DDX10: variants seen among roughly 807,000 people sequenced by gnomAD.
DDX10 encodes probable ATP-dependent RNA helicase DDX10.
A neutral mutation model predicts 104.3 loss-of-function variants in DDX10; 74 were observed. The observed-to-expected ratio is 0.71, with a 90% CI of 0.59 to 0.86. DDX10 has a LOEUF of 0.86. Ranked by LOEUF, DDX10 falls within the 40% of genes least tolerant of loss-of-function variation. DDX10 has a pLI of 0.00. For missense variants in DDX10, 952 were observed against 1,040.0 expected, an observed-to-expected ratio of 0.92 and a Z score of 1.16; for synonymous variants, 351 against 353.4, an observed-to-expected ratio of 0.99 and a Z score of 0.08.
At chr11:108,846,389 A>G (rs1233248467) in intron 15 of DDX10, among the ~76,000 whole-genome samples, 3 of 152,200 alleles carry the variant, frequency 2.0e-5, no homozygotes, top group South Asian at 4.1e-4. Context: ...GAAACTTTAT[A>G]CACTATAACC....
chr11:108,837,025 C>T (rs1014028984), intron 13 of DDX10, among the ~76,000 whole-genome samples: 1 of 152,118 alleles, frequency 6.6e-6, no homozygotes, highest in Non-Finnish European at 1.5e-5. Context: ...AGACTGCAGT[C>T]GGGTATTTTG....
At chr11:108,828,546 T>A (rs576908433) in intron 13 of DDX10, among the ~76,000 whole-genome samples, 2 of 152,290 alleles carry the variant, frequency 1.3e-5, no homozygotes, top group South Asian at 4.1e-4. Flanking sequence ...TTTTTGTTTG[T>A]TTTTTGTTTT....
chr11:108,817,386 TC>T (rs1297326855), intron 13 of DDX10, among the ~76,000 whole-genome samples: 3 of 152,224 alleles, frequency 2.0e-5, no homozygotes, highest in African/African-American at 7.2e-5. Context: ...TACTGTTTTC[TC>T]CACCTATAAC....
At chr11:108,758,030 G>A (rs1051599251) in intron 13 of DDX10, among the ~76,000 whole-genome samples, 2 of 151,896 alleles carry the variant, frequency 1.3e-5, no homozygotes, top group South Asian at 2.1e-4. Flanking sequence ...TCAGTTGGGC[G>A]CTTCTTCTTT....
chr11:108,743,451 C>G (rs1039377081), intron 13 of DDX10, among the ~76,000 whole-genome samples: 3 of 152,146 alleles, frequency 2.0e-5, no homozygotes, highest in Non-Finnish European at 4.4e-5. Context: ...GACACATTCC[C>G]CTTAAACTGG....
intron 6 of DDX10, among the ~76,000 whole-genome samples, chr11:108,684,244 AGGT>A (rs1407945375): frequency 7.4e-6 from 1 of 134,730 alleles, no homozygotes; most frequent in Non-Finnish European, 1.5e-5. Context: ...CACATTGTGC[AGGT>A]TAGTTACATA....
intron 11 of DDX10, among the ~76,000 whole-genome samples, chr11:108,717,470 C>T (rs895795281): frequency 9.9e-5 from 15 of 152,066 alleles, no homozygotes; most frequent in African/African-American, 2.4e-4. Context: ...CCACCACACC[C>T]GGCCAATTTT....
chr11:108,680,684 T>A (rs1338178341), intron 6 of DDX10, among the ~76,000 whole-genome samples: 1 of 152,268 alleles, frequency 6.6e-6, no homozygotes, highest in Admixed American at 6.5e-5. Flanking sequence ...TATCTTAAAA[T>A]TTTTATTTCT....
At chr11:108,800,177 C>T (rs143028537) in intron 13 of DDX10, among the ~76,000 whole-genome samples, 224 of 151,380 alleles carry the variant, frequency 1.5e-3, no homozygotes, top group African/African-American at 5.2e-3. Flanking sequence ...AGCGCGGTGG[C>T]TCACTCTTGT....
At chr11:108,883,044 A>T (rs908382807) in intron 16 of DDX10, among the ~76,000 whole-genome samples, 1 of 152,196 alleles carries the variant, frequency 6.6e-6, no homozygotes, top group Non-Finnish European at 1.5e-5. Flanking sequence ...GGAGCAGGAA[A>T]GGGATATGTT....
intron 9 of DDX10, among the ~76,000 whole-genome samples, chr11:108,698,194 G>C (rs911907514): frequency 2.6e-5 from 4 of 152,176 alleles, no homozygotes; most frequent in African/African-American, 7.2e-5. Flanking sequence ...GAGAATACTG[G>C]TACTTTATGG....
Position 108,677,258 on chromosome 11 carries a change from C to G in DDX10, c.537+15C>G. On this transcript the variant is annotated intron_variant, in intron 4 of 17. Transcript: ENST00000322536. The stretch of plus-strand genomic sequence containing the variant: ...TTGGTGGAAAGGTTTGTCCTTTTGT[C>G]TATGTCCTTCCTTTCCTTCTGTAAC... 6.2e-7 allele frequency: 1 copy of G among 1,604,746 alleles called. No homozygotes were observed. The highest frequency in any genetic ancestry group is 8.5e-7 in the Non-Finnish European group (1 of 1,173,242).
chr11:108,722,952 T>A (rs376441230), intron 12 of DDX10, 45 bp from the exon 13 acceptor site: 1 of 1,536,234 alleles, frequency 6.5e-7, no homozygotes, highest in East Asian at 2.3e-5. Flanking sequence ...TATAAACATA[T>A]CATCAGTGTT....
intron 16 of DDX10, among the ~76,000 whole-genome samples, chr11:108,905,235 C>A (rs907826187): frequency 2.1e-5 from 3 of 139,922 alleles, no homozygotes; most frequent in African/African-American, 8.0e-5. Context: ...ATACAAAGAT[C>A]TTTTAGAGTT....
In DDX10 at chr11:108,679,546, A is replaced by T; in HGVS notation, c.834A>T (p.Glu278Asp). The T allele has an allele frequency of 1.2e-6, 2 of 1,602,092 alleles. No individual in the cohort carries two copies. Among genetic ancestry groups the T allele is most frequent in the Non-Finnish European group, 1.7e-6 (2 of 1,176,932 alleles). ...LKNPEYVWVH[E>D]KAKYSTPATL... ...ACCCTGAGTATGTCTGGGTTCATGA[A>T]AAAGCAAAATATAGGTATGTACTCT... Residue 278 changes from glutamate (E) to aspartate (D), a missense_variant, in exon 6 of 18, where the codon GAA (glutamate) becomes GAT (aspartate). Glu to Asp is a conservative substitution (Grantham distance 45). This residue lies in a region of DDX10 where 412 missense variants were observed against 479.2 expected (regional missense o/e 0.86). Transcript: ENST00000322536.
At position 108,924,360 on chromosome 11, in the gene DDX10, C is replaced by G. The variant is rs61912812; in HGVS notation, c.2450+6342C>G. On this transcript the variant is annotated intron_variant, in intron 17 of 17. Transcript: ENST00000322536. ...CTAGGTAGCATAAGACCAATTACAT[C>G]TATAGTTTGTACTGAGGCTATTGTC... 7.6e-3 allele frequency among the ~76,000 whole-genome samples: 1,161 copies of G among 152,312 alleles called. 8 individuals carry two copies. Among genetic ancestry groups the G allele is most frequent in the Non-Finnish European group, 0.013 (885 of 68,022 alleles).
intron 13 of DDX10, among the ~76,000 whole-genome samples, chr11:108,831,291 C>G (rs528155658): frequency 9.3e-4 from 141 of 152,042 alleles, no homozygotes; most frequent in Middle Eastern, 3.4e-3. Context: ...GTAGTCCCAG[C>G]TATTCGTGAG....
intron 13 of DDX10, among the ~76,000 whole-genome samples, chr11:108,788,381 A>T (rs1861824172): frequency 2.7e-5 from 4 of 150,316 alleles, no homozygotes; most frequent in African/African-American, 7.3e-5. Context: ...TTCTTTTTTG[A>T]GCTGGAGTTT....
chr11:108,777,842 A>G (rs1243459500), intron 13 of DDX10, among the ~76,000 whole-genome samples: 1 of 152,226 alleles, frequency 6.6e-6, no homozygotes, highest in Non-Finnish European at 1.5e-5. Flanking sequence ...CAACTTCAGG[A>G]AAGTGTCAGG....
Sources: allele counts gnomAD v4.1 joint callset (sites outside exome capture counted in the v4.1 genomes callset), GRCh38; gene constraint gnomAD v4.1.1; regional missense constraint gnomAD v4.1.1; transcripts MANE v1.5; gene names NCBI Gene and HGNC (gene_info 2026-07-23, HGNC 2026-07-21).